Variants in NEMP1 observed in about 807,000 individuals in gnomAD.
NEMP1 encodes the protein nuclear envelope integral membrane protein 1, also known as transmembrane protein 194.
In NEMP1, 29 loss-of-function variants were observed where a neutral mutation model predicts 53.7. The ratio of observed to expected loss-of-function variants is 0.54; its 90% confidence interval spans 0.40 to 0.74. The LOEUF (loss-of-function observed/expected upper bound fraction) is 0.74, where lower values mean the gene tolerates loss of function less well. NEMP1 is among the 30% of genes least tolerant of loss of function. The pLI is 0.00. For missense variants in NEMP1, 477 were observed against 528.6 expected (o/e 0.90, Z 0.96); for synonymous variants, 193 against 192.9 (o/e 1.00, Z 0.00).
chr12:57,061,862 G>A (rs2031825200), intron 7 of NEMP1, among the ~76,000 whole-genome samples: 1 of 151,926 alleles, frequency 6.6e-6, no homozygotes, highest in Admixed American at 6.6e-5. Context: ...AGCTGGGCAT[G>A]GTGGCATGTA....
intron 4 of NEMP1, among the ~76,000 whole-genome samples, chr12:57,065,997 G>C (rs919534538): frequency 6.6e-6 from 1 of 151,928 alleles, no homozygotes; most frequent in Non-Finnish European, 1.5e-5. Context: ...GCTCAAGCCT[G>C]TAATCCCAGC....
At chr12:57,066,805 A>T (rs2032100291) in intron 4 of NEMP1, among the ~76,000 whole-genome samples, 2 of 150,084 alleles carry the variant, frequency 1.3e-5, no homozygotes, top group Admixed American at 6.6e-5. Context: ...AGTTGCCCTC[A>T]TACTGTTCTC....
upstream of NEMP1, among the ~76,000 whole-genome samples, chr12:57,079,964 G>A (rs913097993): frequency 2.6e-5 from 4 of 152,090 alleles, 1 homozygote; most frequent in Admixed American, 2.6e-4. Context: ...TGTTGTTGTT[G>A]TTGTTGTTGT....
chr12:57,062,067 A>T (rs1398734689), intron 7 of NEMP1, among the ~76,000 whole-genome samples: 1 of 152,216 alleles, frequency 6.6e-6, no homozygotes, highest in Non-Finnish European at 1.5e-5. Flanking sequence ...TATCTATAAT[A>T]GACAACTTCA....
At chr12:57,081,886 G>A (rs868007956), upstream of NEMP1, among the ~76,000 whole-genome samples, 2 of 146,892 alleles carry the variant, frequency 1.4e-5, no homozygotes, top group African/African-American at 2.5e-5. Context: ...CAGCCTGGGC[G>A]ACAGAGCAAG....
At chr12:57,067,100 C>T (rs1317370581) in intron 4 of NEMP1, among the ~76,000 whole-genome samples, 1 of 152,040 alleles carries the variant, frequency 6.6e-6, no homozygotes, top group Non-Finnish European at 1.5e-5. Flanking sequence ...CTGAGGCAGG[C>T]AGATCATGAG....
chr12:57,075,672 G>GA (rs1376400583), intron 1 of NEMP1, among the ~76,000 whole-genome samples: 1 of 134,646 alleles, frequency 7.4e-6, no homozygotes, highest in Non-Finnish European at 1.6e-5. Context: ...AAAAAAAAAA[G>GA]AAAAAAAAAT....
rs2031574882 is a variant in NEMP1 at position 57,057,336 on chromosome 12, GT to G, written c.*2542del. On this transcript the variant is annotated 3_prime_UTR_variant, in exon 9 of 9. Transcript: ENST00000300128. ...CCTTCAATCCTTCTTGATGAGATTG[GT>G]CTGAGAGATGAGACTGTACTGAAAT... The G allele has an allele frequency of 6.6e-6, 1 of 152,208 alleles. No individual in the cohort carries two copies. The highest frequency in any genetic ancestry group is 2.4e-5 in the African/African-American group (1 of 41,440). The allele number at this position is 152,208 out of a possible 1,614,324, so 9.4% of individuals were successfully genotyped here. A position where few individuals can be genotyped will look rare whatever the true frequency, so the allele number is the denominator to read the frequency against.
chr12:57,061,299 T>C (rs1458091601), intron 7 of NEMP1, among the ~76,000 whole-genome samples: 2 of 152,236 alleles, frequency 1.3e-5, no homozygotes, highest in Non-Finnish European at 2.9e-5. Context: ...ATAGTCAATA[T>C]TATTCACTAA....
chr12:57,087,075 A>C (rs2033017494), intron 1 of NEMP1, among the ~76,000 whole-genome samples: 1 of 152,030 alleles, frequency 6.6e-6, no homozygotes, highest in Admixed American at 6.5e-5. Flanking sequence ...CCTTCTGCGG[A>C]ATTTCTCTTC....
At chr12:57,071,687 A>AT (rs1048960042) in intron 2 of NEMP1, among the ~76,000 whole-genome samples, 1 of 151,792 alleles carries the variant, frequency 6.6e-6, no homozygotes, top group Non-Finnish European at 1.5e-5. Context: ...CTTGTCAGAC[A>AT]TTTTTTTTAA....
intron 1 of NEMP1, among the ~76,000 whole-genome samples, chr12:57,076,626 T>C (rs2032634145): frequency 6.8e-6 from 1 of 146,888 alleles, no homozygotes; most frequent in Non-Finnish European, 1.5e-5. Flanking sequence ...GCCAGCCTGG[T>C]GAAACCCCGT....
At position 57,057,952 on chromosome 12, in the gene NEMP1, T is replaced by C. The variant is rs1014081670; in HGVS notation, c.*1927A>G. On this transcript the variant is annotated 3_prime_UTR_variant, in exon 9 of 9. Transcript: ENST00000300128. ...TAAACTTATGCTTAAATATGCTAGG[T>C]CTCAATTTCTATAAATAAGGTAAAA... 1.3e-5 allele frequency: 2 copies of C among 152,192 alleles called. No homozygotes were observed. The highest frequency in any genetic ancestry group is 4.8e-5 in the African/African-American group (2 of 41,438). 9.4% of individuals were successfully genotyped at this position (152,192 alleles called of 1,614,324 possible).
rs143637849 is a variant in NEMP1, at chr12:57,062,622, A to G, written c.980+497T>C. 4.1e-3 allele frequency among the ~76,000 whole-genome samples: 622 copies of G among 151,838 alleles called. 4 individuals are homozygous for G. The highest frequency in any genetic ancestry group is 0.014 in the African/African-American group (573 of 41,422). On this transcript the variant is annotated intron_variant, in intron 7 of 8. Transcript: ENST00000300128. ...TTGGGAGCTCCTCAGCACTTTATGA[A>G]CTCCTGACATTTGAGGTCAGGAGTT... is the stretch of plus-strand genomic sequence containing the variant.
chr12:57,081,177 A>C (rs1039581711), upstream of NEMP1, among the ~76,000 whole-genome samples: 12 of 152,200 alleles, frequency 7.9e-5, no homozygotes, highest in African/African-American at 2.4e-4. Context: ...CAATAGAGGC[A>C]TCCTACAAAA....
At position 57,057,307 on chromosome 12, in the gene NEMP1, T is replaced by C; in HGVS notation, c.*2572A>G. 1 of 152,218 alleles carries C rather than the reference T, an allele frequency of 6.6e-6. No homozygotes were observed. The highest frequency in any genetic ancestry group is 1.5e-5 in the Non-Finnish European group (1 of 68,050). The allele number at this position is 152,218 out of a possible 1,614,324, so 9.4% of individuals were successfully genotyped here. On this transcript the variant is annotated 3_prime_UTR_variant, in exon 9 of 9. Transcript: ENST00000300128. The stretch of plus-strand genomic sequence containing the variant: ...TCCAATGTCCAGCTTACCTCATAGT[T>C]ATCCCTTCAATCCTTCTTGATGAGA...
chr12:57,081,903 T>C (rs1423059079), upstream of NEMP1, among the ~76,000 whole-genome samples: 5 of 137,192 alleles, frequency 3.6e-5, no homozygotes, highest in East Asian at 1.1e-3. Context: ...CAAGACTCCG[T>C]CTCAAAAAAT....
In NEMP1 at chr12:57,070,893, T is replaced by C; in HGVS notation, c.253A>G (p.Ile85Val). The stretch of plus-strand genomic sequence containing the variant: ...ACCAATCTGGAACTATTTACTCGGA[T>C]CTGTAACACAAATAAAATCAGGATG... ...KWHDIWTRIQ[I>V]RVNSSRLVRV... Residue 85 changes from isoleucine to valine, a missense_variant and splice_region_variant, in exon 3 of 9, where the codon ATC becomes GTC. Transcript: ENST00000300128. The C allele has an allele frequency of 6.3e-7, 1 of 1,596,980 alleles. No individual in the cohort carries two copies. The highest frequency in any genetic ancestry group is 8.5e-7 in the Non-Finnish European group (1 of 1,171,998).
chr12:57,060,097 T>C, intron 8 of NEMP1, 38 bp from the exon 9 acceptor site: 1 of 1,579,286 alleles, frequency 6.3e-7, no homozygotes, highest in Non-Finnish European at 8.7e-7. Flanking sequence ...GAAATATCCT[T>C]CTGTCCTTTC....
Sources: gnomAD v4.1 joint callset for allele counts (sites outside exome capture counted in the v4.1 genomes callset) on GRCh38, gnomAD v4.1.1 for gene constraint, MANE v1.5 for transcripts, NCBI Gene and HGNC (gene_info 2026-07-23, HGNC 2026-07-21) for gene names.